The following SLC16A1 variants were observed in gnomAD, a reference collection of about 807,000 sequenced individuals.
SLC16A1 encodes solute carrier family 16 member 1, also known as monocarboxylate transporter 1.
In SLC16A1, 11 loss-of-function variants were observed where a neutral mutation model predicts 32.2. That is an observed-to-expected ratio of 0.34 (90% CI 0.21 to 0.56). The LOEUF (loss-of-function observed/expected upper bound fraction) is 0.56, where lower values mean the gene tolerates loss of function less well. SLC16A1 is among the 20% of genes least tolerant of loss of function. The pLI is 0.87. For missense variants in SLC16A1, 435 were observed against 615.0 expected, an observed-to-expected ratio of 0.71 and a Z score of 3.10; for synonymous variants, 231 against 226.8, an observed-to-expected ratio of 1.02 and a Z score of -0.17.
rs1205900934 is a variant in SLC16A1, at chr1:112,917,357, G to C, written c.1049C>G (p.Ser350Cys). 1 of 1,614,204 alleles carries C rather than the reference G, an allele frequency of 6.2e-7. No homozygotes were observed. Among genetic ancestry groups the C allele is most frequent in the African/African-American group, 1.3e-5 (1 of 75,050 alleles). The change falls in exon 4 of 5, where the codon TCC becomes TGC. Residue 350 changes from serine (S) to cysteine (C), a missense_variant. Ser to Cys is a moderately radical substitution (Grantham distance 112). This residue lies in a region of SLC16A1 where 324 missense variants were observed against 500.3 expected (regional missense o/e 0.65). Coordinates refer to ENST00000369626, the MANE Select transcript of SLC16A1 (RefSeq NM_003051.4). This position sits in a 1 kb window ranked among gnomAD's most constrained non-coding sequence, Gnocchi z 4.1. ...GACACAGAATCCAACATAGGTAGTG[G>C]ATAAAGGTGCTAGCATATGACACAC... ...NGVCHMLAPL[S>C]TTYVGFCVYA...
At chr1:112,954,809 GC>G (rs1270942857) in intron 1 of SLC16A1, among the ~76,000 whole-genome samples, 1 of 152,166 alleles carries the variant, frequency 6.6e-6, no homozygotes. Context: ...TGTTTTAAGT[GC>G]TAAATATCTT....
chr1:112,948,476 T>A (rs775924493), intron 1 of SLC16A1, among the ~76,000 whole-genome samples: 27 of 151,414 alleles, frequency 1.8e-4, no homozygotes, highest in South Asian at 1.7e-3. Flanking sequence ...TACAATATAT[T>A]TTTTTTTAGA....
rs1650085975 is a variant in SLC16A1 at position 112,956,054 on chromosome 1, AG to A, written c.-65del. ...ACTAACCGTTATATGCGCGGATCGC[AG>A]CGCCGAGCGTGTGCGTGACGTGGTG... On this transcript the variant is annotated 5_prime_UTR_variant, in exon 1 of 5. Transcript: ENST00000369626. 6.6e-6 allele frequency: 1 copy of A among 152,138 alleles called. No homozygotes were observed. Among genetic ancestry groups the A allele is most frequent in the Non-Finnish European group, 1.5e-5 (1 of 68,062 alleles). 9.4% of individuals were successfully genotyped at this position (152,138 alleles called of 1,614,324 possible). A position where few individuals can be genotyped will look rare whatever the true frequency, so the allele number is the denominator to read the frequency against.
intron 1 of SLC16A1, among the ~76,000 whole-genome samples, chr1:112,945,824 C>A (rs1339903047): frequency 6.6e-6 from 1 of 151,370 alleles, no homozygotes; most frequent in African/African-American, 2.4e-5. Flanking sequence ...GAAACCCCAT[C>A]TCTACTAAAA....
Position 112,912,325 on chromosome 1 carries a change from T to C in SLC16A1, c.*1566A>G, listed in dbSNP as rs556751926. ...AAATGAAGACACAGCAATATTTTCC[T>C]CAAGAAAATAGACATTTGGGAGAAG... On this transcript the variant is annotated 3_prime_UTR_variant, in exon 5 of 5. Transcript: ENST00000369626. 1.4e-4 allele frequency: 22 copies of C among 152,352 alleles called. No homozygotes were observed. Among genetic ancestry groups the C allele is most frequent in the Admixed American group, 3.9e-4 (6 of 15,308 alleles). 9.4% of individuals were successfully genotyped at this position (152,352 alleles called of 1,614,324 possible). A position where few individuals can be genotyped will look rare whatever the true frequency, so the allele number is the denominator to read the frequency against.
intron 1 of SLC16A1, among the ~76,000 whole-genome samples, chr1:112,951,603 T>C (rs1325668504): frequency 6.6e-6 from 1 of 152,156 alleles, no homozygotes; most frequent in Non-Finnish European, 1.5e-5. Context: ...CTAAAAGCTG[T>C]GGGAACAGCA....
chr1:112,925,380 TC>T (rs35295062), intron 2 of SLC16A1, among the ~76,000 whole-genome samples: 95,128 of 147,936 alleles, frequency 0.64, 31,644 homozygotes, highest in African/African-American at 0.85. Flanking sequence ...AAGTGGCCTT[TC>T]TTTTTTTTTT....
At chr1:112,923,108 T>A (rs1016496700) in intron 2 of SLC16A1, among the ~76,000 whole-genome samples, 6 of 151,816 alleles carry the variant, frequency 4.0e-5, no homozygotes, top group African/African-American at 1.5e-4. Flanking sequence ...TCACCTGAGG[T>A]CAGGAGTTCA....
intron 3 of SLC16A1, 86 bp downstream of exon 3, chr1:112,921,904 C>T: frequency 6.8e-7 from 1 of 1,470,044 alleles, no homozygotes; most frequent in Non-Finnish European, 9.5e-7. Flanking sequence ...AAGAATTTCA[C>T]TCCAGAGATC....
intron 1 of SLC16A1, among the ~76,000 whole-genome samples, chr1:112,946,062 T>C (rs781681765): frequency 6.6e-6 from 1 of 152,204 alleles, no homozygotes; most frequent in Non-Finnish European, 1.5e-5. Context: ...TATAGTATTT[T>C]CCACACTACT....
chr1:112,955,757 C>G (rs1392500072), intron 1 of SLC16A1: 1 of 152,344 alleles, frequency 6.6e-6, no homozygotes, highest in Non-Finnish European at 1.5e-5. Context: ...TCACCGGGCA[C>G]CACGACCCAA....
intron 1 of SLC16A1, among the ~76,000 whole-genome samples, chr1:112,951,807 A>G (rs1487597408): frequency 3.9e-5 from 6 of 152,224 alleles, no homozygotes; most frequent in Non-Finnish European, 2.9e-5. Flanking sequence ...AGAAAACGAC[A>G]GTGTCTCAAT....
intron 1 of SLC16A1, among the ~76,000 whole-genome samples, chr1:112,936,533 G>T (rs746776849): frequency 3.4e-5 from 5 of 145,404 alleles, no homozygotes; most frequent in Non-Finnish European, 7.6e-5. Context: ...TTGTCCAGAT[G>T]AAATAATTTT....
chr1:112,938,877 CTT>C (rs553027289), intron 1 of SLC16A1, among the ~76,000 whole-genome samples: 22 of 140,218 alleles, frequency 1.6e-4, no homozygotes, highest in African/African-American at 3.4e-4. Flanking sequence ...GAAAGCATTT[CTT>C]TTTTTTTTTT....
chr1:112,952,259 AAAT>A (rs1245543350), intron 1 of SLC16A1, among the ~76,000 whole-genome samples: 1 of 152,236 alleles, frequency 6.6e-6, no homozygotes, highest in Non-Finnish European at 1.5e-5. Context: ...TTCCTTCAAC[AAAT>A]ATTAGGTTGG....
At chr1:112,940,524 T>C (rs1304472152) in intron 1 of SLC16A1, among the ~76,000 whole-genome samples, 2 of 152,170 alleles carry the variant, frequency 1.3e-5, no homozygotes, top group Non-Finnish European at 2.9e-5. Context: ...CTGCATATCA[T>C]CTTGGTGCAT....
chr1:112,917,605 G>C lies in SLC16A1; in HGVS notation c.801C>G (p.Leu267=), dbSNP rs1338953659. The C allele has an allele frequency of 1.9e-6, 3 of 1,614,178 alleles. No homozygotes were observed. In the African/African-American group the frequency reaches 4.0e-5, roughly 22 times the overall value. ...LFTHRGFLLY[L]SGNVIMFFGL... ...CAAAAAACATGATCACATTTCCAGA[G>C]AGGTATAGCAAAAAGCCTCTGTGGG... The change falls in exon 4 of 5, where the codon CTC becomes CTG. Residue 267 remains leucine, a synonymous_variant. Transcript: ENST00000369626. This position sits in a 1 kb window ranked among gnomAD's most constrained non-coding sequence, Gnocchi z 4.1.
Position 112,913,781 on chromosome 1 carries a change from A to G in SLC16A1, c.*110T>C, listed in dbSNP as rs1304118200. 7.5e-7 allele frequency: 1 copy of G among 1,333,646 alleles called. No individual in the cohort carries two copies. The highest frequency in any genetic ancestry group is 1.1e-6 in the Non-Finnish European group (1 of 932,296). 82.6% of individuals were successfully genotyped at this position (1,333,646 alleles called of 1,614,324 possible). The stretch of plus-strand genomic sequence containing the variant: ...AATGAACAACTGGTATGATTTCCAC[A>G]CAAATGTCTACTATTTGCATTGAGC... On this transcript the variant is annotated 3_prime_UTR_variant, in exon 5 of 5. Coordinates refer to ENST00000369626, the MANE Select transcript of SLC16A1 (RefSeq NM_003051.4).
intron 1 of SLC16A1, among the ~76,000 whole-genome samples, chr1:112,930,407 AGT>A (rs1649088755): frequency 6.6e-6 from 1 of 152,210 alleles, no homozygotes; most frequent in Admixed American, 6.5e-5. Context: ...GAAAAAAAAA[AGT>A]GTTTTTCTCC....
Sources: allele counts gnomAD v4.1 joint callset (sites outside exome capture counted in the v4.1 genomes callset), GRCh38; gene constraint gnomAD v4.1.1; regional missense constraint gnomAD v4.1.1; non-coding constraint Gnocchi (gnomAD v3.1); transcripts MANE v1.5; gene names NCBI Gene and HGNC (gene_info 2026-07-23, HGNC 2026-07-21).